Variants in SNX29 observed in about 807,000 individuals in gnomAD.
SNX29 encodes the protein sorting nexin-29.
SNX29 carries 78 observed loss-of-function variants against 102.1 expected under a neutral mutation model. The ratio of observed to expected loss-of-function variants is 0.76; its 90% CI spans 0.64 to 0.92. The LOEUF (loss-of-function observed/expected upper bound fraction) is 0.92. SNX29 is among the 40% of genes least tolerant of loss of function. The pLI is 0.00. For missense variants in SNX29, 1,280 were observed against 1,061.7 expected (o/e 1.21, Z -2.86); for synonymous variants, 580 against 414.5 (o/e 1.40, Z -4.85).
At chr16:12,252,086 A>T (rs2078438395) in intron 14 of SNX29, among the ~76,000 whole-genome samples, 2 of 152,156 alleles carry the variant, frequency 1.3e-5, no homozygotes, top group Non-Finnish European at 2.9e-5. Flanking sequence ...TTGCAAGAAA[A>T]TCACAGTATT....
intron 18 of SNX29, among the ~76,000 whole-genome samples, chr16:12,459,999 G>A (rs746944283): frequency 2.0e-5 from 3 of 152,152 alleles, no homozygotes; most frequent in African/African-American, 4.8e-5. Context: ...GAAATATACC[G>A]AACAGAAGCA....
At position 12,051,956 on chromosome 16, in the gene SNX29, T is replaced by A. The variant is rs375555790; in HGVS notation, c.858T>A (p.Pro286=). The change falls in exon 8 of 21, where the codon CCT becomes CCA. Residue 286 remains proline, a synonymous_variant. Transcript: ENST00000566228. ...QNSGDVFKKT[P]GAGESSEDNS... ...CTGGGGACGTGTTTAAAAAGACACC[T>A]GGGGCAGGGGAGAGCTCAGAGGACA... The A allele has an allele frequency of 6.2e-7, 1 of 1,613,700 alleles. No homozygotes were observed. The highest frequency in any genetic ancestry group is 1.3e-5 in the African/African-American group (1 of 74,888).
chr16:12,444,341 A>G (rs374589086), intron 18 of SNX29, among the ~76,000 whole-genome samples: 1 of 152,106 alleles, frequency 6.6e-6, no homozygotes, highest in Admixed American at 6.5e-5. Context: ...AGTCAAAGCT[A>G]TTTGCTGCTG....
At chr16:12,033,770 T>G (rs1324197907) in intron 4 of SNX29, among the ~76,000 whole-genome samples, 2 of 151,934 alleles carry the variant, frequency 1.3e-5, no homozygotes, top group Non-Finnish European at 2.9e-5. Context: ...CCATGCCTGG[T>G]TAAGTTTTAT....
chr16:12,291,414 G>C (rs765591268), intron 15 of SNX29, among the ~76,000 whole-genome samples: 22 of 152,152 alleles, frequency 1.4e-4, no homozygotes, highest in Non-Finnish European at 2.8e-4. Context: ...AACAGCACGG[G>C]AAAGACCCGC....
intron 11 of SNX29, among the ~76,000 whole-genome samples, chr16:12,119,447 G>T (rs190653739): frequency 6.6e-6 from 1 of 152,164 alleles, no homozygotes; most frequent in African/African-American, 2.4e-5. Flanking sequence ...TTTGCAAGGG[G>T]TTTTTCTTCT....
rs532670054 is a variant in SNX29, at chr16:12,040,322, G to A, written c.248-2575G>A. Among the ~76,000 whole-genome samples the A allele has an allele frequency of 7.2e-5, 11 of 152,240 alleles. No individual in the cohort carries two copies. The South Asian group carries it at 2.3e-3, about 32-fold the overall frequency. ...GAGCCCAGGACGTTGAGGCTGCAGT[G>A]AGCTGTCCAGCCTGGGTGACAGAGG... On this transcript the variant is annotated intron_variant, in intron 4 of 20. Transcript: ENST00000566228.
Position 12,409,421 on chromosome 16 carries a change from C to CTTTTT in SNX29, c.2037+5913_2037+5917dup, listed in dbSNP as rs71139589. On this transcript the variant is annotated intron_variant, in intron 18 of 20. Transcript: ENST00000566228. ...TCCAAACGGGTTTGAGATTCACTGTCTTTTTTTTTTTTTTTTTTTTTTTTT... is the reference window on the plus strand; with the variant it reads ...TCCAAACGGGTTTGAGATTCACTGTCTTTTTTTTTTTTTTTTTTTTTTTTTTTTTT... Among the ~76,000 whole-genome samples, 195 of 89,644 alleles carry CTTTTT rather than the reference C, an allele frequency of 2.2e-3. 2 individuals are homozygous for CTTTTT. The highest frequency in any genetic ancestry group is 3.6e-3 in the African/African-American group (81 of 22,272). The allele number at this position is 89,644 out of a possible 152,430, so 58.8% of individuals were successfully genotyped here.
intron 18 of SNX29, among the ~76,000 whole-genome samples, chr16:12,452,053 C>T (rs1261242258): frequency 3.9e-5 from 6 of 152,166 alleles, no homozygotes; most frequent in Non-Finnish European, 8.8e-5. Context: ...TATTGAGCCC[C>T]ACTGAAGCTC....
chr16:12,029,204 C>A (rs1485122292), intron 4 of SNX29, among the ~76,000 whole-genome samples: 1 of 151,156 alleles, frequency 6.6e-6, no homozygotes, highest in African/African-American at 2.4e-5. Flanking sequence ...ACCAGTTACT[C>A]ATTTGTAGAA....
At chr16:12,048,225 G>C in intron 6 of SNX29, 147 bp from the exon 7 acceptor site, 1 of 1,181,406 alleles carries the variant, frequency 8.5e-7, no homozygotes. Flanking sequence ...TTCGCTCCCT[G>C]CAACGTCCGC....
intron 18 of SNX29, among the ~76,000 whole-genome samples, chr16:12,445,920 A>G (rs953511192): frequency 1.3e-5 from 2 of 152,222 alleles, no homozygotes; most frequent in African/African-American, 4.8e-5. Context: ...ACACTAAGCT[A>G]GTAAATGTGT....
chr16:12,246,920 C>G (rs1004320655), intron 14 of SNX29, among the ~76,000 whole-genome samples: 6 of 152,118 alleles, frequency 3.9e-5, no homozygotes, highest in Non-Finnish European at 5.9e-5. Context: ...GGTTTGTCTC[C>G]TTGCCTTGGA....
At chr16:11,977,273 G>C (rs2055322714) in intron 1 of SNX29, among the ~76,000 whole-genome samples, 1 of 152,010 alleles carries the variant, frequency 6.6e-6, no homozygotes, top group Non-Finnish European at 1.5e-5. Flanking sequence ...AGTCTTTCTG[G>C]ACAGTTAGTT....
chr16:12,467,038 A>G (rs528288517), intron 18 of SNX29, among the ~76,000 whole-genome samples: 179 of 152,256 alleles, frequency 1.2e-3, no homozygotes, highest in African/African-American at 4.2e-3. Flanking sequence ...CCTAGGTGTG[A>G]AGGAAAAGGC....
At chr16:12,185,544 G>A (rs565682063) in intron 13 of SNX29, among the ~76,000 whole-genome samples, 67 of 152,234 alleles carry the variant, frequency 4.4e-4, no homozygotes, top group African/African-American at 1.3e-3. Flanking sequence ...TGGATACGTG[G>A]TGATGGTCCC....
intron 13 of SNX29, among the ~76,000 whole-genome samples, chr16:12,166,043 A>G (rs2056006792): frequency 6.6e-6 from 1 of 152,244 alleles, no homozygotes; most frequent in Non-Finnish European, 1.5e-5. Context: ...GCATGGAAGC[A>G]TTTAATCCAT....
chr16:12,369,520 C>T (rs1258991252), intron 16 of SNX29, among the ~76,000 whole-genome samples: 1 of 152,192 alleles, frequency 6.6e-6, no homozygotes, highest in African/African-American at 2.4e-5. Context: ...CCTCTAGAAG[C>T]TGGTCTGGGC....
At position 12,041,726 on chromosome 16, in the gene SNX29, T is replaced by C. The variant is rs148823094; in HGVS notation, c.248-1171T>C. On this transcript the variant is annotated intron_variant, in intron 4 of 20. Transcript: ENST00000566228. ...TCTCTGCCTGCCTCTTATGAAGATCTTGTGATTACGTCAGCCTCGCAGGGA... is the reference window on the plus strand; with the variant it reads ...TCTCTGCCTGCCTCTTATGAAGATCCTGTGATTACGTCAGCCTCGCAGGGA... 2.9e-3 allele frequency among the ~76,000 whole-genome samples: 449 copies of C among 152,348 alleles called. 3 individuals are homozygous for C. Among genetic ancestry groups the C allele is most frequent in the African/African-American group, 0.01 (419 of 41,578 alleles).
Sources: gnomAD v4.1 joint callset for allele counts (sites outside exome capture counted in the v4.1 genomes callset) on GRCh38, gnomAD v4.1.1 for gene constraint, MANE v1.5 for transcripts, NCBI Gene and HGNC (gene_info 2026-07-23, HGNC 2026-07-21) for gene names.